The following GPM6B variants were observed in gnomAD, a reference collection of about 807,000 sequenced individuals.
GPM6B encodes neuronal membrane glycoprotein M6-b.
In GPM6B, 4 loss-of-function variants were observed where a neutral mutation model predicts 27.2. The ratio of observed to expected loss-of-function variants is 0.15; its 90% CI spans 0.07 to 0.34. The LOEUF is 0.34. Ranked by LOEUF, GPM6B falls within the 10% of genes least tolerant of loss-of-function variation. GPM6B has a pLI of 1.00. For synonymous variants in GPM6B, 124 were observed against 103.1 expected, an observed-to-expected ratio of 1.20 and a Z score of -1.23; for missense variants, 183 against 261.9, an observed-to-expected ratio of 0.70 and a Z score of 2.08.
At chrX:13,879,350 G>C (rs900824357) in intron 1 of GPM6B, among the ~76,000 whole-genome samples, 2 of 112,340 alleles carry the variant, frequency 1.8e-5, no homozygotes, top group Non-Finnish European at 1.9e-5. Context: ...GGAAGCTGTA[G>C]TATAGACAGT....
chrX:13,773,979 T>TTA, intron 7 of GPM6B: 1 of 689,753 alleles, frequency 1.4e-6, no homozygotes, highest in Non-Finnish European at 1.7e-6. Context: ...TTTTTTTTTT[T>TTA]CCAGAGAACT....
At chrX:13,794,622 G>A (rs1487103909) in intron 2 of GPM6B, among the ~76,000 whole-genome samples, 3 of 111,844 alleles carry the variant, frequency 2.7e-5, no homozygotes, top group South Asian at 3.7e-4. Flanking sequence ...AGCGTGAATC[G>A]GGCAGTGGCT....
intron 2 of GPM6B, among the ~76,000 whole-genome samples, chrX:13,805,663 CA>C (rs1290445739): frequency 2.7e-5 from 3 of 112,514 alleles, no homozygotes; most frequent in Non-Finnish European, 5.6e-5. Context: ...AATGCTTTTA[CA>C]GGGAACTGCT....
At chrX:13,832,512 T>C (rs2049450368) in intron 1 of GPM6B, among the ~76,000 whole-genome samples, 1 of 111,505 alleles carries the variant, frequency 9.0e-6, no homozygotes, top group African/African-American at 3.3e-5. Flanking sequence ...ACCAGTGCCT[T>C]GTTGGGTCAG....
chrX:13,820,864 A>C (rs192770803), upstream of GPM6B, among the ~76,000 whole-genome samples: 2 of 111,680 alleles, frequency 1.8e-5, no homozygotes, highest in East Asian at 5.6e-4. Context: ...ATGTTAAACA[A>C]CCAGGGAGAG....
intron 1 of GPM6B, among the ~76,000 whole-genome samples, chrX:13,935,868 G>A (rs1345733429): frequency 1.8e-5 from 2 of 112,435 alleles, no homozygotes; most frequent in Admixed American, 9.4e-5. Flanking sequence ...TTTAGGTAGC[G>A]TACTGCATAC....
intron 1 of GPM6B, among the ~76,000 whole-genome samples, chrX:13,808,095 C>T (rs978399685): frequency 9.9e-5 from 11 of 111,531 alleles, no homozygotes; most frequent in Non-Finnish European, 2.1e-4. Context: ...CTTTCTGTTT[C>T]CTTTTCAGAC....
At chrX:13,794,384 T>C (rs2048770986) in intron 2 of GPM6B, among the ~76,000 whole-genome samples, 1 of 110,882 alleles carries the variant, frequency 9.0e-6, no homozygotes, top group Non-Finnish European at 1.9e-5. Context: ...GCAGATTCTG[T>C]TCAGGCAGGT....
At chrX:13,830,253 T>G (rs1334346359) in intron 1 of GPM6B, among the ~76,000 whole-genome samples, 2 of 111,991 alleles carry the variant, frequency 1.8e-5, no homozygotes, top group Admixed American at 9.4e-5. Context: ...TAAGCACTGG[T>G]GTGAACAGTC....
chrX:13,821,884 C>T (rs1000278322), upstream of GPM6B, among the ~76,000 whole-genome samples: 2 of 111,976 alleles, frequency 1.8e-5, no homozygotes, highest in South Asian at 3.7e-4. Context: ...CATGAGCCAT[C>T]GTGCCTGACC....
chrX:13,834,326 A>G (rs1192721116), intron 1 of GPM6B, among the ~76,000 whole-genome samples: 1 of 112,824 alleles, frequency 8.9e-6, no homozygotes, highest in Non-Finnish European at 1.9e-5. Flanking sequence ...AATTCTTCCT[A>G]AAGATATACA....
At chrX:13,935,250 G>A (rs1446889477) in intron 1 of GPM6B, among the ~76,000 whole-genome samples, 1 of 102,713 alleles carries the variant, frequency 9.7e-6, no homozygotes, top group African/African-American at 3.7e-5. Context: ...TGTAATCCCA[G>A]CACTTTGGGA....
intron 1 of GPM6B, among the ~76,000 whole-genome samples, chrX:13,860,936 T>C (rs895275353): frequency 9.1e-6 from 1 of 109,313 alleles, no homozygotes; most frequent in African/African-American, 3.3e-5. Context: ...TCCAATTCCA[T>C]CCAGGTTGCC....
chrX:13,787,250 G>A (rs1325273582), intron 2 of GPM6B, among the ~76,000 whole-genome samples: 2 of 111,205 alleles, frequency 1.8e-5, no homozygotes, highest in East Asian at 2.8e-4. Context: ...AAAAATATCA[G>A]GGCTTCATAA....
At chrX:13,884,752 TGAG>T (rs2050118236) in intron 1 of GPM6B, among the ~76,000 whole-genome samples, 1 of 112,017 alleles carries the variant, frequency 8.9e-6, no homozygotes. Flanking sequence ...TTAAGTGGGT[TGAG>T]TTTTCCCATA....
chrX:13,785,173 A>T (rs1463088332), intron 3 of GPM6B, among the ~76,000 whole-genome samples: 2 of 111,774 alleles, frequency 1.8e-5, no homozygotes, highest in East Asian at 5.6e-4. Context: ...TCTCTCATGA[A>T]CCTTTTTCTA....
chrX:13,874,695 G>A (rs2050015710), intron 1 of GPM6B, among the ~76,000 whole-genome samples: 1 of 111,160 alleles, frequency 9.0e-6, no homozygotes, highest in African/African-American at 3.3e-5. Context: ...GGGTGACAGA[G>A]TAAGACTCCA....
intron 1 of GPM6B, among the ~76,000 whole-genome samples, chrX:13,813,969 T>C (rs1199520917): frequency 8.9e-6 from 1 of 112,441 alleles, no homozygotes; most frequent in African/African-American, 3.2e-5. Flanking sequence ...TCTGGTAGCA[T>C]GCTGTGATGA....
chrX:13,780,599 A>G (rs773935166), intron 4 of GPM6B, among the ~76,000 whole-genome samples: 1 of 111,694 alleles, frequency 9.0e-6, no homozygotes, highest in South Asian at 3.8e-4. Flanking sequence ...TAAAATTCTC[A>G]TTTTCCTCTA....
Sources: gnomAD v4.1 joint callset for allele counts (sites outside exome capture counted in the v4.1 genomes callset) on GRCh38, gnomAD v4.1.1 for gene constraint, MANE v1.5 for transcripts, NCBI Gene and HGNC (gene_info 2026-07-23, HGNC 2026-07-21) for gene names.